FBXL20: variants seen among roughly 807,000 people sequenced by gnomAD.
The protein encoded by FBXL20 is F-box/LRR-repeat protein 20.
In FBXL20, 11 loss-of-function variants were observed where a neutral mutation model predicts 64.0. The observed-to-expected ratio is 0.17, with a 90% CI of 0.11 to 0.28. The LOEUF (loss-of-function observed/expected upper bound fraction) is 0.28, where lower values mean the gene tolerates loss of function less well. FBXL20 is among the 10% of genes least tolerant of loss of function. The pLI is 1.00. For synonymous variants in FBXL20, 184 were observed against 189.0 expected, an observed-to-expected ratio of 0.97 and a Z score of 0.22; for missense variants, 303 against 526.2, an observed-to-expected ratio of 0.58 and a Z score of 4.15.
At chr17:39,275,142 T>C (rs758288614) in intron 9 of FBXL20, 42 bp from the exon 10 acceptor site, 22 of 1,555,732 alleles carry the variant, frequency 1.4e-5, no homozygotes, top group East Asian at 6.9e-5. Flanking sequence ...ATTAGTATCT[T>C]AGCAAAACAA....
chr17:39,340,364 G>C (rs2047570705), intron 2 of FBXL20, among the ~76,000 whole-genome samples: 1 of 152,114 alleles, frequency 6.6e-6, no homozygotes, highest in Non-Finnish European at 1.5e-5. Flanking sequence ...CAAAGTGCTA[G>C]GATCACAGGC....
At chr17:39,337,142 C>T (rs2047530860) in intron 2 of FBXL20, among the ~76,000 whole-genome samples, 1 of 152,162 alleles carries the variant, frequency 6.6e-6, no homozygotes, top group Non-Finnish European at 1.5e-5. Flanking sequence ...CGCGCCGCCA[C>T]GCCTGACTGG....
At chr17:39,287,791 A>G (rs1160495298) in intron 6 of FBXL20, among the ~76,000 whole-genome samples, 1 of 152,112 alleles carries the variant, frequency 6.6e-6, no homozygotes, top group Non-Finnish European at 1.5e-5. Flanking sequence ...GAGAACTGCC[A>G]AACTGTTTCC....
intron 2 of FBXL20, among the ~76,000 whole-genome samples, chr17:39,334,486 AAAAAAAAAATTCG>A (rs1165235640): frequency 6.7e-6 from 1 of 150,068 alleles, no homozygotes; most frequent in Non-Finnish European, 1.5e-5. Context: ...AAAAATTAAA[AAAAAAAAAATTCG>A]AAAAAAAAAT....
Position 39,270,028 on chromosome 17 carries a change from A to G in FBXL20, c.888+768T>C, listed in dbSNP as rs554600047. Among the ~76,000 whole-genome samples, 6 of 152,356 alleles carry G rather than the reference A, an allele frequency of 3.9e-5. No homozygotes were observed. In the South Asian group the frequency reaches 1.2e-3, roughly 32 times the overall value. The stretch of plus-strand genomic sequence containing the variant: ...TACCATAACACTGGTCAAAGTCAGT[A>G]TAATTTTAAATATTATCATATAGTA... On this transcript the variant is annotated intron_variant, in intron 11 of 14. Transcript: ENST00000264658.
intron 1 of FBXL20, among the ~76,000 whole-genome samples, chr17:39,368,994 A>G (rs2047888886): frequency 6.6e-6 from 1 of 151,992 alleles, no homozygotes; most frequent in Non-Finnish European, 1.5e-5. Context: ...GAAGTTTCTC[A>G]TGTATTGTGG....
chr17:39,304,192 G>A (rs907742702), intron 2 of FBXL20, among the ~76,000 whole-genome samples: 1 of 151,360 alleles, frequency 6.6e-6, no homozygotes, highest in Non-Finnish European at 1.5e-5. Context: ...TACACCAAAG[G>A]ATAATAAATA....
chr17:39,388,351 C>T (rs959676694), intron 1 of FBXL20, among the ~76,000 whole-genome samples: 3 of 151,568 alleles, frequency 2.0e-5, no homozygotes, highest in East Asian at 1.9e-4. Flanking sequence ...TCCAGCTACT[C>T]GGGAAGGTGA....
chr17:39,328,282 T>TAG (rs1268205423), intron 2 of FBXL20, among the ~76,000 whole-genome samples: 3 of 137,362 alleles, frequency 2.2e-5, no homozygotes, highest in Non-Finnish European at 4.7e-5. Flanking sequence ...AAAAAGACTG[T>TAG]AGTTTATAAA....
rs1243315415 is a variant in FBXL20 at position 39,253,066 on chromosome 17, A to C, written c.*8394T>G. 1 of 152,606 alleles carries C rather than the reference A, an allele frequency of 6.6e-6. No homozygotes were observed. The highest frequency in any genetic ancestry group is 6.5e-5 in the Admixed American group (1 of 15,272). The allele number at this position is 152,606 out of a possible 1,614,324, so 9.5% of individuals were successfully genotyped here. A position where few individuals can be genotyped will look rare whatever the true frequency, so the allele number is the denominator to read the frequency against. On this transcript the variant is annotated 3_prime_UTR_variant, in exon 15 of 15. Transcript: ENST00000264658. ...AGGCCCTAAGGCTTGGGAAGGAGGGAATCAGACCCTTCAGGTCAACCACCT... is the reference window on the plus strand; with the variant it reads ...AGGCCCTAAGGCTTGGGAAGGAGGGCATCAGACCCTTCAGGTCAACCACCT...
chr17:39,325,568 G>A (rs2144524542), intron 2 of FBXL20, among the ~76,000 whole-genome samples: 1 of 152,244 alleles, frequency 6.6e-6, no homozygotes, highest in Non-Finnish European at 1.5e-5. Flanking sequence ...CTGAGGGCAG[G>A]TTATATTTGG....
chr17:39,278,168 C>CA (rs1376945051), intron 9 of FBXL20, among the ~76,000 whole-genome samples: 3 of 152,132 alleles, frequency 2.0e-5, no homozygotes, highest in Non-Finnish European at 2.9e-5. Context: ...TGTTTTGAGA[C>CA]AGAGTCTCGC....
At chr17:39,301,969 G>A (rs1461279499) in intron 3 of FBXL20, among the ~76,000 whole-genome samples, 18 of 139,196 alleles carry the variant, frequency 1.3e-4, no homozygotes, top group Admixed American at 1.2e-3. Flanking sequence ...AGGGCAAGTT[G>A]TGATAAGTAT....
intron 1 of FBXL20, among the ~76,000 whole-genome samples, chr17:39,377,477 C>G (rs1233349821): frequency 6.6e-6 from 1 of 151,632 alleles, no homozygotes; most frequent in Non-Finnish European, 1.5e-5. Flanking sequence ...TATTCTTTCT[C>G]TATTGCAATT....
At chr17:39,345,209 C>A (rs77039740) in intron 1 of FBXL20, among the ~76,000 whole-genome samples, 2,174 of 152,200 alleles carry the variant, frequency 0.014, 53 homozygotes, top group African/African-American at 0.049. Context: ...AAAAAAGACA[C>A]GATCTCTATC....
chr17:39,349,341 A>C (rs1347053690), intron 1 of FBXL20, among the ~76,000 whole-genome samples: 1 of 149,236 alleles, frequency 6.7e-6, no homozygotes, highest in African/African-American at 2.5e-5. Context: ...AAAAAAAAAA[A>C]AAAAAAAAAA....
chr17:39,277,537 A>G (rs547092406), intron 9 of FBXL20, among the ~76,000 whole-genome samples: 8 of 152,182 alleles, frequency 5.3e-5, no homozygotes, highest in Non-Finnish European at 1.0e-4. Context: ...TGGGCAGATC[A>G]CTTGAGGTCA....
chr17:39,292,636 T>TCTTTG (rs1393313491), intron 6 of FBXL20, among the ~76,000 whole-genome samples: 1 of 122,332 alleles, frequency 8.2e-6, no homozygotes, highest in Non-Finnish European at 1.6e-5. Context: ...TCTTTTCTTT[T>TCTTTG]TTTTGAGAGT....
At chr17:39,271,478 G>C (rs1258464868) in intron 10 of FBXL20, among the ~76,000 whole-genome samples, 4 of 151,686 alleles carry the variant, frequency 2.6e-5, no homozygotes, top group Non-Finnish European at 5.9e-5. Flanking sequence ...GGTGCCTGTA[G>C]TCCCGGCTAC....
Sources: gnomAD v4.1 joint callset for allele counts (sites outside exome capture counted in the v4.1 genomes callset) on GRCh38, gnomAD v4.1.1 for gene constraint, MANE v1.5 for transcripts, NCBI Gene and HGNC (gene_info 2026-07-23, HGNC 2026-07-21) for gene names.